HTR2C: variants seen among roughly 807,000 people sequenced by gnomAD.
HTR2C encodes 5-hydroxytryptamine receptor 2C, also known as 5-hydroxytryptamine (serotonin) receptor 2C, G protein-coupled.
Under a neutral mutation model 21.0 loss-of-function variants are expected in HTR2C, and 5 were observed. That is an observed-to-expected ratio of 0.24 (90% CI 0.12 to 0.50). HTR2C has a LOEUF of 0.50. Among genes scored for constraint, HTR2C ranks in the 20% least tolerant of loss-of-function variants. The probability of loss-of-function intolerance (pLI) is 0.98; values close to 1 mark genes in which losing one functional copy is unlikely to be tolerated. For missense variants in HTR2C, 271 were observed against 371.2 expected, an observed-to-expected ratio of 0.73 and a Z score of 2.22; for synonymous variants, 150 against 145.3, an observed-to-expected ratio of 1.03 and a Z score of -0.23.
chrX:114,847,455 G>T (rs1161174398), intron 4 of HTR2C, among the ~76,000 whole-genome samples: 3 of 59,640 alleles, frequency 5.0e-5, no homozygotes, highest in South Asian at 2.0e-3. Context: ...GGGGAGGGGG[G>T]AGGGGTAGCA....
chrX:114,704,541 A>G (rs1399448919), intron 2 of HTR2C, among the ~76,000 whole-genome samples: 4 of 111,878 alleles, frequency 3.6e-5, no homozygotes, highest in Non-Finnish European at 7.5e-5. Context: ...ATAAATTAGT[A>G]CTGATGGGAT....
intron 4 of HTR2C, among the ~76,000 whole-genome samples, chrX:114,787,963 AAAG>A (rs2070194507): frequency 9.1e-6 from 1 of 110,112 alleles, no homozygotes; most frequent in African/African-American, 3.3e-5. Context: ...AAAAAAAAAA[AAAG>A]AAATCCTAAA....
chrX:114,687,744 A>T (rs1471726070), intron 2 of HTR2C, among the ~76,000 whole-genome samples: 6 of 111,073 alleles, frequency 5.4e-5, no homozygotes, highest in Non-Finnish European at 1.1e-4. Context: ...TGCAGTTGAG[A>T]CTCTTAACCA....
At chrX:114,766,912 T>C (rs781857097) in intron 4 of HTR2C, among the ~76,000 whole-genome samples, 16 of 111,539 alleles carry the variant, frequency 1.4e-4, no homozygotes, top group African/African-American at 4.5e-4. Context: ...ACTTAATGAA[T>C]TAAGTTTTCC....
intron 2 of HTR2C, among the ~76,000 whole-genome samples, chrX:114,715,558 CA>C (rs1932978224): frequency 9.0e-6 from 1 of 111,665 alleles, no homozygotes; most frequent in Non-Finnish European, 1.9e-5. Flanking sequence ...AAATTAAAAT[CA>C]AATTAACAGA....
At chrX:114,818,566 A>T (rs1381761734) in intron 4 of HTR2C, among the ~76,000 whole-genome samples, 6 of 111,877 alleles carry the variant, frequency 5.4e-5, no homozygotes, top group Non-Finnish European at 9.4e-5. Context: ...AACAGCATTG[A>T]ACATAAGAAT....
intron 1 of HTR2C, among the ~76,000 whole-genome samples, chrX:114,600,542 A>G (rs1556394055): frequency 9.0e-6 from 1 of 111,206 alleles, no homozygotes; most frequent in East Asian, 2.8e-4. Context: ...ATCTAATAAT[A>G]ATAATTGGTA....
At chrX:114,727,910 A>G (rs1343134961) in intron 3 of HTR2C, among the ~76,000 whole-genome samples, 3 of 111,655 alleles carry the variant, frequency 2.7e-5, no homozygotes, top group African/African-American at 6.5e-5. Flanking sequence ...TAAAGAAGGG[A>G]AAAGAAGAGT....
intron 4 of HTR2C, among the ~76,000 whole-genome samples, chrX:114,841,280 A>G (rs187173057): frequency 8.9e-6 from 1 of 112,232 alleles, no homozygotes; most frequent in Non-Finnish European, 1.9e-5. Flanking sequence ...CAATTCACCA[A>G]CAGCAGATTT....
Position 114,584,571 on chromosome X carries a change from G to T in HTR2C, c.-235G>T, listed in dbSNP as rs1376373892. On this transcript the variant is annotated 5_prime_UTR_variant, in exon 1 of 6. Transcript: ENST00000276198. ...GCAGCTCAGCGCACCGACTGCCGCG[G>T]GCTCCGCTGGGCGATTGCAGCCGAG... 2.7e-5 allele frequency: 3 copies of T among 113,098 alleles called. No individual in the cohort carries two copies. Among genetic ancestry groups the T allele is most frequent in the Non-Finnish European group, 5.6e-5 (3 of 53,310 alleles). The allele number at this position is 113,098 out of a possible 1,213,427, so 9.3% of individuals were successfully genotyped here.
chrX:114,683,680 A>G (rs1328028127), intron 2 of HTR2C, among the ~76,000 whole-genome samples: 3 of 111,333 alleles, frequency 2.7e-5, no homozygotes, highest in Non-Finnish European at 5.7e-5. Flanking sequence ...TCAGGACCTC[A>G]GCTCCTTGGG....
intron 4 of HTR2C, among the ~76,000 whole-genome samples, chrX:114,747,161 C>T (rs1239004473): frequency 1.8e-5 from 2 of 111,673 alleles, no homozygotes; most frequent in Admixed American, 1.9e-4. Flanking sequence ...GATGACAGAA[C>T]GAGACCCTGT....
At chrX:114,707,402 A>AAAAT (rs201415665) in intron 2 of HTR2C, among the ~76,000 whole-genome samples, 67 of 110,906 alleles carry the variant, frequency 6.0e-4, no homozygotes, top group Non-Finnish European at 1.1e-3. Flanking sequence ...GCCTTTCTCA[A>AAAAT]AAATAAATAA....
intron 4 of HTR2C, among the ~76,000 whole-genome samples, chrX:114,774,329 G>A (rs1349105078): frequency 9.0e-6 from 1 of 111,480 alleles, no homozygotes; most frequent in Non-Finnish European, 1.9e-5. Flanking sequence ...GCTCACAATG[G>A]TGCAATTTAA....
At chrX:114,822,840 G>A (rs782207221) in intron 4 of HTR2C, among the ~76,000 whole-genome samples, 1 of 111,930 alleles carries the variant, frequency 8.9e-6, no homozygotes, top group South Asian at 3.7e-4. Context: ...CTTGAGATGA[G>A]CAAGTACATA....
intron 4 of HTR2C, among the ~76,000 whole-genome samples, chrX:114,814,895 AATATT>A (rs1200432872): frequency 2.0e-5 from 2 of 101,940 alleles, no homozygotes; most frequent in African/African-American, 3.5e-5. Context: ...TATATATTAT[AATATT>A]ATATAGTATA....
intron 2 of HTR2C, among the ~76,000 whole-genome samples, chrX:114,635,449 T>A (rs1556405079): frequency 8.9e-6 from 1 of 111,985 alleles, no homozygotes; most frequent in Non-Finnish European, 1.9e-5. Flanking sequence ...ACAGTGGAAA[T>A]GACTGAATAT....
At chrX:114,789,618 G>A (rs1163038005) in intron 4 of HTR2C, among the ~76,000 whole-genome samples, 1 of 111,154 alleles carries the variant, frequency 9.0e-6, no homozygotes. Context: ...TAAAAAAAAA[G>A]GGCTTTGAGC....
intron 2 of HTR2C, among the ~76,000 whole-genome samples, chrX:114,660,045 T>C (rs1427537905): frequency 8.9e-6 from 1 of 112,126 alleles, no homozygotes; most frequent in East Asian, 2.8e-4. Context: ...GTTATATAGA[T>C]AAGAAGTGAA....
Sources: gnomAD v4.1 joint callset for allele counts (sites outside exome capture counted in the v4.1 genomes callset) on GRCh38, gnomAD v4.1.1 for gene constraint, MANE v1.5 for transcripts, NCBI Gene and HGNC (gene_info 2026-07-23, HGNC 2026-07-21) for gene names.